PPM1E: variants seen among roughly 807,000 people sequenced by gnomAD.
PPM1E encodes protein phosphatase 1E.
PPM1E carries 20 observed loss-of-function variants against 65.9 expected under a neutral mutation model. The observed-to-expected ratio is 0.30, with a 90% CI of 0.21 to 0.44. PPM1E has a LOEUF of 0.44. Among genes scored for constraint, PPM1E ranks in the 20% least tolerant of loss-of-function variants. The pLI is 1.00. For synonymous variants in PPM1E, 352 were observed against 374.9 expected (o/e 0.94, Z 0.70); for missense variants, 713 against 953.1 (o/e 0.75, Z 3.32).
At chr17:58,782,781 G>A (rs1468632633) in intron 1 of PPM1E, among the ~76,000 whole-genome samples, 2 of 151,654 alleles carry the variant, frequency 1.3e-5, no homozygotes, top group Non-Finnish European at 2.9e-5. Context: ...AAGTGTGGCA[G>A]AATAATTAAA....
At chr17:58,837,810 A>G (rs2050678710) in intron 1 of PPM1E, among the ~76,000 whole-genome samples, 1 of 152,146 alleles carries the variant, frequency 6.6e-6, no homozygotes, top group African/African-American at 2.4e-5. Flanking sequence ...TGAGGTTTTT[A>G]TAAATTATAT....
chr17:58,920,032 G>T lies in PPM1E; in HGVS notation c.465-35617G>T, dbSNP rs1203614052. ...ATAGTAATGATGGTTTAGACTAGGTGTTTATCTATAAAAGTGGTAACAGGT... is the reference window on the plus strand; with the variant it reads ...ATAGTAATGATGGTTTAGACTAGGTTTTTATCTATAAAAGTGGTAACAGGT... On this transcript the variant is annotated intron_variant, in intron 1 of 6. Transcript: ENST00000308249. Among the ~76,000 whole-genome samples, 4 of 152,150 alleles carry T rather than the reference G, an allele frequency of 2.6e-5. No individual in the cohort carries two copies. The South Asian group carries it at 8.3e-4, about 31-fold the overall frequency.
intron 1 of PPM1E, among the ~76,000 whole-genome samples, chr17:58,787,735 A>G (rs58018013): frequency 1.3e-5 from 2 of 151,920 alleles, no homozygotes; most frequent in African/African-American, 2.4e-5. Flanking sequence ...GTGAAACCCC[A>G]TCTCTACTAA....
chr17:58,768,117 A>AT (rs2049901024), intron 1 of PPM1E, among the ~76,000 whole-genome samples: 1 of 151,080 alleles, frequency 6.6e-6, no homozygotes, highest in Non-Finnish European at 1.5e-5. Flanking sequence ...TGCCCAGCTA[A>AT]TTTTTTGTAT....
chr17:58,969,832 T>C (rs2030480070), intron 4 of PPM1E, 105 bp downstream of exon 4: 2 of 1,057,586 alleles, frequency 1.9e-6, no homozygotes, highest in Admixed American at 5.1e-5. Context: ...GGGCAGACAT[T>C]ATCCAAACTG....
chr17:58,919,907 TATCTG>T (rs1289659891), intron 1 of PPM1E, among the ~76,000 whole-genome samples: 2 of 152,212 alleles, frequency 1.3e-5, no homozygotes, highest in Non-Finnish European at 2.9e-5. Context: ...GGACATATCT[TATCTG>T]GCACTTGCTG....
intron 1 of PPM1E, among the ~76,000 whole-genome samples, chr17:58,769,899 C>T (rs1202629930): frequency 1.3e-5 from 2 of 151,908 alleles, no homozygotes; most frequent in East Asian, 1.9e-4. Context: ...TGGTGGTGCA[C>T]ACTTGTAGTC....
intron 1 of PPM1E, among the ~76,000 whole-genome samples, chr17:58,784,016 TTTTTG>T (rs554744120): frequency 3.4e-5 from 5 of 149,180 alleles, no homozygotes; most frequent in African/African-American, 9.9e-5. Context: ...CGGCCTGTTT[TTTTTG>T]TTTTGTTTTG....
intron 1 of PPM1E, among the ~76,000 whole-genome samples, chr17:58,909,912 TTTTTTCTTTTTC>T (rs1417670977): frequency 9.2e-5 from 13 of 141,676 alleles, no homozygotes; most frequent in Non-Finnish European, 2.0e-4. Flanking sequence ...TCTTTCTTTC[TTTTTTCTTTTTC>T]TTTTTTTTTT....
intron 1 of PPM1E, among the ~76,000 whole-genome samples, chr17:58,847,089 T>C (rs2050779277): frequency 6.6e-6 from 1 of 152,366 alleles, no homozygotes; most frequent in South Asian, 2.1e-4. Flanking sequence ...TGTCTGTTCA[T>C]ATCCTTTGCC....
At chr17:58,963,053 C>A (rs938827176) in intron 2 of PPM1E, among the ~76,000 whole-genome samples, 1 of 151,672 alleles carries the variant, frequency 6.6e-6, no homozygotes, top group Admixed American at 6.6e-5. Flanking sequence ...TACATCACCC[C>A]ACTCTAGCCT....
chr17:58,880,698 A>G lies in PPM1E; in HGVS notation c.465-74951A>G, dbSNP rs577282577. Among the ~76,000 whole-genome samples, 77 of 152,090 alleles carry G rather than the reference A, an allele frequency of 5.1e-4. 1 individual carries two copies. The highest frequency in any genetic ancestry group is 5.7e-4 in the Non-Finnish European group (39 of 68,026). On this transcript the variant is annotated intron_variant, in intron 1 of 6. Transcript: ENST00000308249. ...GAGTGCAGTGACACGATCTCGGCTC[A>G]CTGCAGCCTCGACATCCAGGGCTAA...
At chr17:58,778,073 A>G (rs1455364453) in intron 1 of PPM1E, among the ~76,000 whole-genome samples, 2 of 151,668 alleles carry the variant, frequency 1.3e-5, no homozygotes, top group African/African-American at 4.9e-5. Context: ...AGCTGGGACT[A>G]CAGGTGTGTG....
intron 1 of PPM1E, among the ~76,000 whole-genome samples, chr17:58,840,662 T>C (rs2050709454): frequency 1.3e-5 from 2 of 150,706 alleles, no homozygotes; most frequent in South Asian, 4.2e-4. Context: ...CTGTGAGAGG[T>C]ATGTAAAAGA....
intron 1 of PPM1E, among the ~76,000 whole-genome samples, chr17:58,923,728 C>T (rs1293053469): frequency 7.3e-6 from 1 of 136,608 alleles, no homozygotes; most frequent in East Asian, 2.2e-4. Flanking sequence ...GCCTGGGTGA[C>T]AGAGTAAGAC....
intron 1 of PPM1E, among the ~76,000 whole-genome samples, chr17:58,816,278 C>T (rs2050414045): frequency 6.6e-6 from 1 of 152,140 alleles, no homozygotes; most frequent in Non-Finnish European, 1.5e-5. Context: ...CCTGCCTTGG[C>T]CTCCCAAAGT....
intron 1 of PPM1E, among the ~76,000 whole-genome samples, chr17:58,757,096 C>T (rs1478386292): frequency 3.9e-5 from 6 of 152,156 alleles, no homozygotes; most frequent in Non-Finnish European, 8.8e-5. Context: ...ACAGGGAAGC[C>T]TAGTCTCTTA....
intron 2 of PPM1E, among the ~76,000 whole-genome samples, chr17:58,958,145 A>G (rs1473507649): frequency 6.6e-6 from 1 of 152,204 alleles, no homozygotes; most frequent in African/African-American, 2.4e-5. Flanking sequence ...AATGACAACA[A>G]CAACCCAAAA....
intron 1 of PPM1E, among the ~76,000 whole-genome samples, chr17:58,801,160 A>G (rs2050254444): frequency 6.6e-6 from 1 of 152,114 alleles, no homozygotes; most frequent in Non-Finnish European, 1.5e-5. Context: ...GTGTTCTATA[A>G]ATGTTGATTA....
Sources: allele counts gnomAD v4.1 joint callset (sites outside exome capture counted in the v4.1 genomes callset), GRCh38; gene constraint gnomAD v4.1.1; transcripts MANE v1.5; gene names NCBI Gene and HGNC (gene_info 2026-07-23, HGNC 2026-07-21).